The following BRCA1 variants were observed in gnomAD, a reference collection of about 807,000 sequenced individuals.
BRCA1 encodes breast cancer type 1 susceptibility protein.
BRCA1 carries 140 observed loss-of-function variants against 173.7 expected under a neutral mutation model. The ratio of observed to expected loss-of-function variants is 0.81; its 90% CI spans 0.70 to 0.93. BRCA1 has a LOEUF of 0.93. BRCA1 is among the 40% of genes least tolerant of loss of function. BRCA1 has a pLI of 0.00. For missense variants in BRCA1, 1,983 were observed against 2,172.5 expected (o/e 0.91, Z 1.73); for synonymous variants, 662 against 756.0 (o/e 0.88, Z 2.04).
In BRCA1 at chr17:43,045,983, C is replaced by A. The variant is rs1219127708; in HGVS notation, c.5468-181G>T. 3.5e-5 allele frequency among the ~76,000 whole-genome samples: 5 copies of A among 143,862 alleles called. No homozygotes were observed. In the South Asian group the frequency reaches 1.1e-3, roughly 31 times the overall value. The allele number at this position is 143,862 out of a possible 152,430, so 94.4% of individuals were successfully genotyped here. ...TGTCGCCGAGGCTAGAGTGTGATGG[C>A]GCAATCTCGGCTCATTCAACCTCCG... On this transcript the variant is annotated intron_variant, in intron 22 of 22. Coordinates refer to ENST00000357654, the MANE Select transcript of BRCA1 (RefSeq NM_007294.4).
In BRCA1 at chr17:43,059,077, T is replaced by A. The variant is rs139315471; in HGVS notation, c.5194-1942A>T. ...TGATAAATTTGTCAGAAGACTCCCA[T>A]GTTCATAGTCCTCCTTGTACCCCTG... On this transcript the variant is annotated intron_variant, in intron 18 of 22. Transcript: ENST00000357654. 1.5e-4 allele frequency among the ~76,000 whole-genome samples: 23 copies of A among 152,306 alleles called. 1 individual carries two copies. In the East Asian group the frequency reaches 4.4e-3, roughly 29 times the overall value.
At chr17:43,071,689 A>G (rs1225474116) in intron 14 of BRCA1, among the ~76,000 whole-genome samples, 1 of 152,192 alleles carries the variant, frequency 6.6e-6, no homozygotes, top group African/African-American at 2.4e-5. Flanking sequence ...AATATTATTT[A>G]TCATGACATT....
chr17:43,045,894 G>A (rs2152635401), intron 22 of BRCA1, 92 bp from the exon 23 acceptor site: 1 of 1,486,554 alleles, frequency 6.7e-7, no homozygotes. Context: ...GGTTGTATGA[G>A]TTCTTAGGAT....
At chr17:43,081,948 T>C (rs2053018525) in intron 12 of BRCA1, among the ~76,000 whole-genome samples, 1 of 152,242 alleles carries the variant, frequency 6.6e-6, no homozygotes. Flanking sequence ...AGGCTTTCTG[T>C]GGATCAAAGT....
chr17:43,118,823 G>C (rs2055414838), intron 2 of BRCA1, among the ~76,000 whole-genome samples: 1 of 151,496 alleles, frequency 6.6e-6, no homozygotes, highest in East Asian at 1.9e-4. Context: ...GAGTGCAGTG[G>C]TGTGGTCTTG....
intron 1 of BRCA1, among the ~76,000 whole-genome samples, chr17:43,154,617 A>G (rs1018922184): frequency 1.3e-5 from 2 of 152,160 alleles, no homozygotes; most frequent in South Asian, 2.1e-4. Flanking sequence ...CTACCTGTCT[A>G]TCCACAAAAC....
intron 3 of BRCA1, among the ~76,000 whole-genome samples, chr17:43,106,894 T>G (rs2054815459): frequency 6.6e-6 from 1 of 152,172 alleles, no homozygotes; most frequent in African/African-American, 2.4e-5. Flanking sequence ...ATGCTTATAA[T>G]TAGTTTAAAA....
chr17:43,094,903 G>T, intron 9 of BRCA1, 43 bp from the exon 10 acceptor site: 2 of 1,538,400 alleles, frequency 1.3e-6, no homozygotes, highest in Non-Finnish European at 1.8e-6. Flanking sequence ...AAACTGAATT[G>T]TCATTAAAAA....
upstream of BRCA1, among the ~76,000 whole-genome samples, chr17:43,128,920 A>C (rs1311118013): frequency 6.6e-6 from 1 of 151,896 alleles, no homozygotes; most frequent in African/African-American, 2.4e-5. Flanking sequence ...GGCCTCCCAA[A>C]GTGCTGGGAT....
intron 2 of BRCA1, among the ~76,000 whole-genome samples, chr17:43,119,671 A>G (rs1385954808): frequency 6.6e-6 from 1 of 152,192 alleles, no homozygotes; most frequent in East Asian, 1.9e-4. Flanking sequence ...AAAGAAAAAC[A>G]ACCTTGACAA....
Position 43,093,456 on chromosome 17 carries a change from T to C in BRCA1, c.2075A>G (p.His692Arg), listed in dbSNP as rs2053831947. 3.1e-6 allele frequency: 5 copies of C among 1,613,960 alleles called. No homozygotes were observed. The highest frequency in any genetic ancestry group is 3.4e-6 in the Non-Finnish European group (4 of 1,179,974). The change falls in exon 10 of 23, where the codon CAT (histidine) becomes CGT (arginine). Residue 692 changes from histidine (H) to arginine (R), a missense_variant. Physicochemically the swap from His to Arg is conservative, Grantham distance 29. Transcript: ENST00000357654. The part of the protein sequence containing the change: ...NKPNEQTSKR[H>R]DSDTFPELKL... ...CAGCTCTGGGAAAGTATCGCTGTCA[T>C]GTCTTTTACTTGTCTGTTCATTTGG...
intron 19 of BRCA1, among the ~76,000 whole-genome samples, chr17:43,053,868 C>T (rs2051351883): frequency 6.6e-6 from 1 of 151,660 alleles, no homozygotes; most frequent in Admixed American, 6.6e-5. Context: ...ACTTAGGAGG[C>T]TGAGGCAGGA....
At chr17:43,123,180 T>G (rs944345462) in intron 2 of BRCA1, among the ~76,000 whole-genome samples, 5 of 151,822 alleles carry the variant, frequency 3.3e-5, no homozygotes, top group Non-Finnish European at 7.4e-5. Context: ...TGCAGTGAGC[T>G]GTGATAGCAC....
At chr17:43,075,305 C>G (rs1350699926) in intron 13 of BRCA1, among the ~76,000 whole-genome samples, 1 of 152,122 alleles carries the variant, frequency 6.6e-6, no homozygotes, top group Non-Finnish European at 1.5e-5. Context: ...CTATTGCCTG[C>G]CTTTTCAATG....
intron 13 of BRCA1, among the ~76,000 whole-genome samples, chr17:43,074,780 G>T (rs1174295469): frequency 6.6e-6 from 1 of 152,154 alleles, no homozygotes; most frequent in African/African-American, 2.4e-5. Flanking sequence ...CAGTAGCTGG[G>T]TGTGGTGGCT....
At chr17:43,123,174 G>A (rs2055661575) in intron 2 of BRCA1, among the ~76,000 whole-genome samples, 1 of 151,934 alleles carries the variant, frequency 6.6e-6, no homozygotes, top group South Asian at 2.1e-4. Flanking sequence ...TGAGGCTGCA[G>A]TGAGCTGTGA....
chr17:43,102,375 T>TTTTTTTTTTG (rs2054517889), intron 6 of BRCA1, among the ~76,000 whole-genome samples: 4 of 145,990 alleles, frequency 2.7e-5, no homozygotes, highest in Non-Finnish European at 3.0e-5. Flanking sequence ...TTTTTTTTTT[T>TTTTTTTTTTG]GAGACGGAGT....
At chr17:43,052,772 C>T (rs372842137) in intron 19 of BRCA1, among the ~76,000 whole-genome samples, 198 of 135,830 alleles carry the variant, frequency 1.5e-3, no homozygotes, top group African/African-American at 4.6e-3. Flanking sequence ...GACAGACAGA[C>T]GGACAGAAAC....
At chr17:43,155,851 T>C (rs2056193696) in intron 1 of BRCA1, among the ~76,000 whole-genome samples, 1 of 152,164 alleles carries the variant, frequency 6.6e-6, no homozygotes, top group Non-Finnish European at 1.5e-5. Flanking sequence ...AATGGATTTT[T>C]TGGGTAAAGT....
Sources: allele counts gnomAD v4.1 joint callset (sites outside exome capture counted in the v4.1 genomes callset), GRCh38; gene constraint gnomAD v4.1.1; transcripts MANE v1.5; gene names NCBI Gene and HGNC (gene_info 2026-07-23, HGNC 2026-07-21).